Variants in TOP1 observed in about 807,000 individuals in gnomAD.
TOP1 encodes the protein DNA topoisomerase I.
A neutral mutation model predicts 111.1 loss-of-function variants in TOP1; 10 were observed. The observed-to-expected ratio is 0.09, with a 90% CI of 0.06 to 0.15. TOP1 has a LOEUF of 0.15. TOP1 is among the 10% of genes least tolerant of loss of function. TOP1 has a pLI of 1.00. For missense variants in TOP1, 474 were observed against 926.7 expected (o/e 0.51, Z 6.34); for synonymous variants, 271 against 302.9 (o/e 0.89, Z 1.10).
In TOP1 at chr20:41,118,739, T is replaced by C. The variant is rs1416663078; in HGVS notation, c.1950+443T>C. Among the ~76,000 whole-genome samples the C allele has an allele frequency of 6.6e-6, 1 of 152,236 alleles. No individual in the cohort carries two copies. On this transcript the variant is annotated intron_variant, in intron 18 of 20. Coordinates refer to ENST00000361337, the MANE Select transcript of TOP1 (RefSeq NM_003286.4). The surrounding 1 kb of genome is among the most constrained non-coding windows in gnomAD (Gnocchi z 4.6). ...GTCTTTCAAATCCTAGCATAGCTAT[T>C]TTTATTTTTACGCATTCCACATGAA...
Position 41,030,959 on chromosome 20 carries a change from A to G in TOP1, c.58+1504A>G, listed in dbSNP as rs2033111499. Among the ~76,000 whole-genome samples the G allele has an allele frequency of 6.6e-6, 1 of 152,202 alleles. No homozygotes were observed. The highest frequency in any genetic ancestry group is 2.1e-4 in the South Asian group (1 of 4,834). ...TAACCATAACACTCCCTTGCTCTCA[A>G]TTCAGTCTATTGGGGGAGACATAAT... On this transcript the variant is annotated intron_variant, in intron 2 of 20. Coordinates refer to ENST00000361337, the MANE Select transcript of TOP1 (RefSeq NM_003286.4). This position sits in a 1 kb window ranked among gnomAD's most constrained non-coding sequence, Gnocchi z 4.1.
intron 18 of TOP1, among the ~76,000 whole-genome samples, chr20:41,119,445 T>C (rs1300270849): frequency 6.6e-6 from 1 of 152,190 alleles, no homozygotes; most frequent in African/African-American, 2.4e-5. Flanking sequence ...TGAGACCCTG[T>C]CTGTATTAAA....
In TOP1 at chr20:41,069,017, C is replaced by T. The variant is rs1290418809; in HGVS notation, c.156-7154C>T. Reference sequence around the variant, plus strand: ...GAAAGCAAGGGAAGACAGAAAACTGCTGTAAAATAGCAAGGGAAGTACTTT... The same window carrying T: ...GAAAGCAAGGGAAGACAGAAAACTGTTGTAAAATAGCAAGGGAAGTACTTT... On this transcript the variant is annotated intron_variant, in intron 3 of 20. Coordinates refer to ENST00000361337, the MANE Select transcript of TOP1 (RefSeq NM_003286.4). The surrounding 1 kb of genome is among the most constrained non-coding windows in gnomAD (Gnocchi z 4.1). Among the ~76,000 whole-genome samples the T allele has an allele frequency of 6.6e-6, 1 of 152,162 alleles. No homozygotes were observed. Among genetic ancestry groups the T allele is most frequent in the Non-Finnish European group, 1.5e-5 (1 of 68,028 alleles).
rs1390791442 is a variant in TOP1, at chr20:41,115,357, C to T, written c.1639-14C>T. On this transcript the variant is annotated splice_polypyrimidine_tract_variant and intron_variant, in intron 15 of 20. Coordinates refer to ENST00000361337, the MANE Select transcript of TOP1 (RefSeq NM_003286.4). This position sits in a 1 kb window ranked among gnomAD's most constrained non-coding sequence, Gnocchi z 6.3. ...TTTCAAGAGTAATAATTAGGATTCA[C>T]TTATATCTTTTAGGTTTTTAAGAAC... 3.8e-6 allele frequency: 6 copies of T among 1,588,782 alleles called. No homozygotes were observed. In the East Asian group the frequency reaches 6.7e-5, roughly 18 times the overall value.
Position 41,123,622 on chromosome 20 carries a change from G to A in TOP1, c.*325G>A, listed in dbSNP as rs1490076869. The A allele has an allele frequency of 7.5e-5, 22 of 292,046 alleles. No homozygotes were observed. The highest frequency in any genetic ancestry group is 1.3e-4 in the Non-Finnish European group (21 of 155,948). 18.1% of individuals were successfully genotyped at this position (292,046 alleles called of 1,614,324 possible). A position where few individuals can be genotyped will look rare whatever the true frequency, so the allele number is the denominator to read the frequency against. On this transcript the variant is annotated 3_prime_UTR_variant, in exon 21 of 21. Coordinates refer to ENST00000361337, the MANE Select transcript of TOP1 (RefSeq NM_003286.4). This position sits in a 1 kb window ranked among gnomAD's most constrained non-coding sequence, Gnocchi z 5.8. The stretch of plus-strand genomic sequence containing the variant: ...AATTCACTGTTTCACTGAAATGTTT[G>A]GATTCTCTTAGCTACTGTATGCAAA...
At chr20:41,041,649 G>A (rs1187651739) in intron 2 of TOP1, among the ~76,000 whole-genome samples, 1 of 152,028 alleles carries the variant, frequency 6.6e-6, no homozygotes, top group African/African-American at 2.4e-5. Context: ...GATGATTGGT[G>A]AAAATACATA....
intron 3 of TOP1, among the ~76,000 whole-genome samples, chr20:41,075,094 T>G (rs890424664): frequency 2.0e-5 from 3 of 152,260 alleles, no homozygotes; most frequent in South Asian, 2.1e-4. Flanking sequence ...TTTTGGGGTT[T>G]GTTTGTTCGT....
At chr20:41,091,523 C>T (rs2145945333) in intron 8 of TOP1, among the ~76,000 whole-genome samples, 1 of 145,898 alleles carries the variant, frequency 6.9e-6, no homozygotes, top group African/African-American at 2.5e-5. Flanking sequence ...ATGGTTCGGC[C>T]AAAATAGGAA....
In TOP1 at chr20:41,061,727, A is replaced by G. The variant is rs758198905; in HGVS notation, c.155+237A>G. Among the ~76,000 whole-genome samples, 2 of 152,340 alleles carry G rather than the reference A, an allele frequency of 1.3e-5. No individual in the cohort carries two copies. The highest frequency in any genetic ancestry group is 2.9e-5 in the Non-Finnish European group (2 of 68,028). On this transcript the variant is annotated intron_variant, in intron 3 of 20. Coordinates refer to ENST00000361337, the MANE Select transcript of TOP1 (RefSeq NM_003286.4). The surrounding 1 kb of genome is among the most constrained non-coding windows in gnomAD (Gnocchi z 4.6). Reference sequence around the variant, plus strand: ...TTAATTTTCTTTTAATATATACCTCATTAAAAATACAGTTGTTCACTAAGA... The same window carrying G: ...TTAATTTTCTTTTAATATATACCTCGTTAAAAATACAGTTGTTCACTAAGA...
At position 41,113,893 on chromosome 20, in the gene TOP1, A is replaced by AC. The variant is rs1253179201; in HGVS notation, c.1453-77_1453-76insC. ...CGAGACTGTCTCAAAAAAAAAAAAA[A>AC]AAAAAACACAGAACGAAATTGTGTA... On this transcript the variant is annotated intron_variant, in intron 14 of 20. Coordinates refer to ENST00000361337, the MANE Select transcript of TOP1 (RefSeq NM_003286.4). 9.5e-5 allele frequency: 119 copies of AC among 1,247,992 alleles called. No homozygotes were observed. The Admixed American group carries it at 2.0e-3, about 21-fold the overall frequency. 77.3% of individuals were successfully genotyped at this position (1,247,992 alleles called of 1,614,324 possible). A position where few individuals can be genotyped will look rare whatever the true frequency, so the allele number is the denominator to read the frequency against.
At chr20:41,036,461 TG>T (rs2033186616) in intron 2 of TOP1, among the ~76,000 whole-genome samples, 1 of 152,274 alleles carries the variant, frequency 6.6e-6, no homozygotes, top group South Asian at 2.1e-4. Context: ...ATAATATTTA[TG>T]TTTCACAAAC....
In TOP1 at chr20:41,115,716, T is replaced by C. The variant is rs2034318634; in HGVS notation, c.1707+277T>C. ...TGCTCCTGCAGAGCTTTCCCTTCAC[T>C]GAATGCCCAGCCACCCCTGCTGGAG... On this transcript the variant is annotated intron_variant, in intron 16 of 20. Coordinates refer to ENST00000361337, the MANE Select transcript of TOP1 (RefSeq NM_003286.4). This position sits in a 1 kb window ranked among gnomAD's most constrained non-coding sequence, Gnocchi z 6.3. Among the ~76,000 whole-genome samples, 2 of 152,210 alleles carry C rather than the reference T, an allele frequency of 1.3e-5. No homozygotes were observed. The highest frequency in any genetic ancestry group is 2.9e-5 in the Non-Finnish European group (2 of 68,030).
Position 41,029,532 on chromosome 20 carries a change from A to G in TOP1, c.58+77A>G. On this transcript the variant is annotated intron_variant, in intron 2 of 20. Coordinates refer to ENST00000361337, the MANE Select transcript of TOP1 (RefSeq NM_003286.4). The surrounding 1 kb of genome is among the most constrained non-coding windows in gnomAD (Gnocchi z 6.1). ...CCCCCGCGCCCTGCCGGTGCCGGGC[A>G]GAGGACAGACATGGCGTCCCAGAGA... The G allele has an allele frequency of 8.3e-7, 1 of 1,208,746 alleles. No individual in the cohort carries two copies. Among genetic ancestry groups the G allele is most frequent in the South Asian group, 1.3e-5 (1 of 78,716 alleles). The allele number at this position is 1,208,746 out of a possible 1,614,324, so 74.9% of individuals were successfully genotyped here.
chr20:41,064,802 T>G (rs1190135003), intron 3 of TOP1, among the ~76,000 whole-genome samples: 1 of 152,152 alleles, frequency 6.6e-6, no homozygotes, highest in Non-Finnish European at 1.5e-5. Flanking sequence ...TAATTGTGTC[T>G]TTACTTTTCC....
At chr20:41,086,893 A>G (rs1033141430) in intron 8 of TOP1, among the ~76,000 whole-genome samples, 1 of 152,148 alleles carries the variant, frequency 6.6e-6, no homozygotes, top group Admixed American at 6.5e-5. Flanking sequence ...TGAAAATATG[A>G]ATGAAGAGCC....
chr20:41,030,334 C>G lies in TOP1; in HGVS notation c.58+879C>G, dbSNP rs926918589. ...AAGATTGTTGAGCATCTCTTGTGGA[C>G]CTGGTGTGTTGGCCTTTTCGTTTGG... On this transcript the variant is annotated intron_variant, in intron 2 of 20. Coordinates refer to ENST00000361337, the MANE Select transcript of TOP1 (RefSeq NM_003286.4). The surrounding 1 kb of genome is among the most constrained non-coding windows in gnomAD (Gnocchi z 4.1). 1.3e-5 allele frequency among the ~76,000 whole-genome samples: 2 copies of G among 152,032 alleles called. No individual in the cohort carries two copies. The highest frequency in any genetic ancestry group is 4.8e-5 in the African/African-American group (2 of 41,382).
At chr20:41,093,494 C>A (rs2033945174) in intron 9 of TOP1, among the ~76,000 whole-genome samples, 1 of 152,022 alleles carries the variant, frequency 6.6e-6, no homozygotes, top group Admixed American at 6.6e-5. Context: ...CTTCTCCTTT[C>A]CCCAGCATTC....
chr20:41,068,049 T>G (rs1302507583), intron 3 of TOP1, among the ~76,000 whole-genome samples: 2 of 152,208 alleles, frequency 1.3e-5, no homozygotes, highest in African/African-American at 4.8e-5. Context: ...ACATTATTCC[T>G]TCCAGTGAAA....
intron 2 of TOP1, among the ~76,000 whole-genome samples, chr20:41,040,041 A>T (rs893662085): frequency 6.6e-6 from 1 of 152,272 alleles, no homozygotes; most frequent in African/African-American, 2.4e-5. Context: ...AAATCCTTGA[A>T]CTGAATTGAT....
Sources: allele counts gnomAD v4.1 joint callset (sites outside exome capture counted in the v4.1 genomes callset), GRCh38; gene constraint gnomAD v4.1.1; non-coding constraint Gnocchi (gnomAD v3.1); transcripts MANE v1.5; gene names NCBI Gene and HGNC (gene_info 2026-07-23, HGNC 2026-07-21).